The following NELL1 variants were observed in gnomAD, a reference collection of about 807,000 sequenced individuals.
NELL1 encodes protein kinase C-binding protein NELL1.
Under a neutral mutation model 107.4 loss-of-function variants are expected in NELL1, and 76 were observed. The ratio of observed to expected loss-of-function variants is 0.71; its 90% CI spans 0.59 to 0.86. The LOEUF (loss-of-function observed/expected upper bound fraction) is 0.86. Among genes scored for constraint, NELL1 ranks in the 40% least tolerant of loss-of-function variants. The pLI is 0.00. For synonymous variants in NELL1, 353 were observed against 341.2 expected, an observed-to-expected ratio of 1.03 and a Z score of -0.38; for missense variants, 1,024 against 1,005.5, an observed-to-expected ratio of 1.02 and a Z score of -0.25.
chr11:21,154,106 C>T (rs1472589708), intron 13 of NELL1, among the ~76,000 whole-genome samples: 2 of 152,162 alleles, frequency 1.3e-5, no homozygotes, highest in African/African-American at 4.8e-5. Flanking sequence ...GGCCTGGTGG[C>T]TCTGTGGCTT....
At chr11:21,029,415 T>A (rs1852898312) in intron 12 of NELL1, among the ~76,000 whole-genome samples, 1 of 152,144 alleles carries the variant, frequency 6.6e-6, no homozygotes, top group Non-Finnish European at 1.5e-5. Context: ...TAGGTTTATG[T>A]TTGCTGAGTC....
At chr11:21,374,402 C>T (rs888696711) in intron 15 of NELL1, among the ~76,000 whole-genome samples, 10 of 151,950 alleles carry the variant, frequency 6.6e-5, no homozygotes, top group African/African-American at 2.4e-4. Flanking sequence ...TTTTGTGGGC[C>T]TCTCCACAGG....
rs145685187 is a variant in NELL1 at position 20,963,656 on chromosome 11, C to T, written c.1300+3096C>T. ...ACAAGCTTACAGATGGCCAAATGCC[C>T]TCCTAGGAACAGAGACTCTCTGAGG... On this transcript the variant is annotated intron_variant, in intron 12 of 19. Coordinates refer to ENST00000357134, the MANE Select transcript of NELL1 (RefSeq NM_006157.5). 1.1e-3 allele frequency among the ~76,000 whole-genome samples: 165 copies of T among 152,184 alleles called. 1 individual carries two copies. Among genetic ancestry groups the T allele is most frequent in the African/African-American group, 3.8e-3 (157 of 41,532 alleles).
At chr11:21,550,033 A>G (rs1176918625) in intron 16 of NELL1, among the ~76,000 whole-genome samples, 2 of 151,806 alleles carry the variant, frequency 1.3e-5, no homozygotes, top group African/African-American at 2.4e-5. Flanking sequence ...AGTGGCACTT[A>G]GGGAAGTTAG....
chr11:20,863,944 A>C (rs993333057), intron 4 of NELL1, among the ~76,000 whole-genome samples: 2 of 152,138 alleles, frequency 1.3e-5, no homozygotes, highest in African/African-American at 4.8e-5. Context: ...CGTCTCCACC[A>C]AAAAAATACG....
chr11:21,538,995 C>T (rs908321777), intron 16 of NELL1, among the ~76,000 whole-genome samples: 6 of 152,080 alleles, frequency 3.9e-5, no homozygotes, highest in African/African-American at 1.4e-4. Context: ...GTGTGCTTTT[C>T]CCTGACTATC....
In NELL1 at chr11:21,476,327, A is replaced by G. The variant is rs564029169; in HGVS notation, c.1646-58047A>G. Among the ~76,000 whole-genome samples, 3 of 152,276 alleles carry G rather than the reference A, an allele frequency of 2.0e-5. No individual in the cohort carries two copies. In the East Asian group the frequency reaches 5.8e-4, roughly 29 times the overall value. ...TCTCTTCATTACCAGAAAGATGAAA[A>G]GGAAAATCAATAGAGGGTAGCATAC... On this transcript the variant is annotated intron_variant, in intron 15 of 19. Coordinates refer to ENST00000357134, the MANE Select transcript of NELL1 (RefSeq NM_006157.5).
At chr11:20,960,653 G>A (rs1469064777) in intron 12 of NELL1, 93 bp downstream of exon 12, 2 of 1,414,612 alleles carry the variant, frequency 1.4e-6, no homozygotes, top group East Asian at 2.3e-5. Flanking sequence ...CTATCACTTG[G>A]CTGTGGTCCT....
chr11:21,304,309 G>T (rs1849561001), intron 14 of NELL1, among the ~76,000 whole-genome samples: 1 of 151,964 alleles, frequency 6.6e-6, no homozygotes, highest in South Asian at 2.1e-4. Flanking sequence ...CTTTGTATAT[G>T]TACTGTAATT....
chr11:21,062,991 C>T (rs1013215639), intron 12 of NELL1, among the ~76,000 whole-genome samples: 2 of 148,066 alleles, frequency 1.4e-5, no homozygotes, highest in African/African-American at 4.9e-5. Context: ...CCAAGCCCAG[C>T]TAATGTGTGT....
chr11:20,895,867 C>T (rs1342227394), intron 5 of NELL1, among the ~76,000 whole-genome samples: 1 of 152,018 alleles, frequency 6.6e-6, no homozygotes, highest in Non-Finnish European at 1.5e-5. Context: ...CAGTTCCATC[C>T]GTGTTGCTGC....
At chr11:20,759,864 A>G (rs1856381150) in intron 2 of NELL1, among the ~76,000 whole-genome samples, 1 of 152,168 alleles carries the variant, frequency 6.6e-6, no homozygotes, top group Admixed American at 6.5e-5. Context: ...TCTTACTCCA[A>G]TTACACCACA....
At chr11:20,817,870 A>T (rs1857658259) in intron 3 of NELL1, among the ~76,000 whole-genome samples, 1 of 151,184 alleles carries the variant, frequency 6.6e-6, no homozygotes, top group Non-Finnish European at 1.5e-5. Context: ...TTAATTGTTT[A>T]TTCAAAAGTC....
intron 3 of NELL1, among the ~76,000 whole-genome samples, chr11:20,809,119 C>T (rs539103120): frequency 1.3e-5 from 2 of 152,242 alleles, no homozygotes; most frequent in South Asian, 2.1e-4. Flanking sequence ...ATTGGAAGGG[C>T]ACTTGGAGAT....
At chr11:21,288,729 C>T (rs1475345804) in intron 14 of NELL1, among the ~76,000 whole-genome samples, 3 of 152,158 alleles carry the variant, frequency 2.0e-5, no homozygotes, top group Admixed American at 1.3e-4. Flanking sequence ...TTAGTGAGTT[C>T]GAATGACCAG....
rs1375514942 is a variant in NELL1, at chr11:20,915,715, ATAT to A, written c.604-2465_604-2463del. ...CCTCATAGATGATATATATATATAT[ATAT>A]TTTTTTTTTTTTTTTTTGAGAGGAA... On this transcript the variant is annotated intron_variant, in intron 5 of 19. Coordinates refer to ENST00000357134, the MANE Select transcript of NELL1 (RefSeq NM_006157.5). 1.5e-3 allele frequency among the ~76,000 whole-genome samples: 90 copies of A among 58,924 alleles called. 3 individuals carry two copies. Among genetic ancestry groups the A allele is most frequent in the African/African-American group, 8.6e-3 (88 of 10,190 alleles). The allele number at this position is 58,924 out of a possible 152,430, so 38.7% of individuals were successfully genotyped here.
intron 5 of NELL1, among the ~76,000 whole-genome samples, chr11:20,903,382 A>G (rs1333929750): frequency 3.9e-5 from 6 of 152,112 alleles, no homozygotes. Flanking sequence ...CTGAAAAGAC[A>G]TTAAAATCAT....
At chr11:20,931,046 G>A (rs770989521) in intron 9 of NELL1, among the ~76,000 whole-genome samples, 1 of 152,148 alleles carries the variant, frequency 6.6e-6, no homozygotes, top group South Asian at 2.1e-4. Flanking sequence ...GTTTTTAATA[G>A]AAATATGCAT....
intron 4 of NELL1, among the ~76,000 whole-genome samples, chr11:20,863,940 C>T (rs1849044277): frequency 6.6e-6 from 1 of 152,154 alleles, no homozygotes; most frequent in Non-Finnish European, 1.5e-5. Flanking sequence ...ACCCCGTCTC[C>T]ACCAAAAAAA....
Sources: gnomAD v4.1 joint callset for allele counts (sites outside exome capture counted in the v4.1 genomes callset) on GRCh38, gnomAD v4.1.1 for gene constraint, MANE v1.5 for transcripts, NCBI Gene and HGNC (gene_info 2026-07-23, HGNC 2026-07-21) for gene names.